POT1: variants seen among roughly 807,000 people sequenced by gnomAD.
POT1 encodes protection of telomeres 1.
POT1 carries 47 observed loss-of-function variants against 78.5 expected under a neutral mutation model. The observed-to-expected ratio is 0.60, with a 90% confidence interval of 0.47 to 0.76. POT1 has a LOEUF of 0.76. Among genes scored for constraint, POT1 ranks in the 30% least tolerant of loss-of-function variants. POT1 has a pLI of 0.00. For synonymous variants in POT1, 259 were observed against 260.7 expected (o/e 0.99, Z 0.06); for missense variants, 646 against 749.9 (o/e 0.86, Z 1.62).
chr7:124,884,734 C>T (rs1184511799), intron 6 of POT1, among the ~76,000 whole-genome samples: 1 of 152,160 alleles, frequency 6.6e-6, no homozygotes, highest in Admixed American at 6.5e-5. Context: ...ACAAGGTTCC[C>T]TCTATTTTTC....
intron 2 of POT1, among the ~76,000 whole-genome samples, chr7:124,924,033 T>A: frequency 2.0e-5 from 3 of 147,148 alleles, no homozygotes; most frequent in Admixed American, 6.7e-5. Context: ...AGTAGAAAGA[T>A]CACAAATTAA....
intron 15 of POT1, among the ~76,000 whole-genome samples, chr7:124,833,139 C>T (rs1794810518): frequency 6.6e-6 from 1 of 152,020 alleles, no homozygotes. Flanking sequence ...ACTCTCAGAT[C>T]ATGAGTCTAA....
intron 12 of POT1, among the ~76,000 whole-genome samples, chr7:124,846,351 T>C (rs956303509): frequency 7.2e-5 from 11 of 152,172 alleles, no homozygotes; most frequent in Non-Finnish European, 8.8e-5. Flanking sequence ...TTCACATTTG[T>C]TATCTTCCTT....
intron 2 of POT1, among the ~76,000 whole-genome samples, chr7:124,921,978 A>C: frequency 6.6e-6 from 1 of 152,122 alleles, no homozygotes; most frequent in East Asian, 1.9e-4. Flanking sequence ...TCAAAGAAAA[A>C]GCTTACTTAA....
intron 2 of POT1, among the ~76,000 whole-genome samples, chr7:124,916,891 C>T (rs1433617929): frequency 1.3e-5 from 2 of 151,986 alleles, no homozygotes; most frequent in African/African-American, 2.4e-5. Context: ...AGTTACTGCA[C>T]GAAAGGCTGG....
intron 3 of POT1, among the ~76,000 whole-genome samples, chr7:124,910,330 A>C (rs1584521951): frequency 6.6e-6 from 1 of 152,110 alleles, no homozygotes; most frequent in Non-Finnish European, 1.5e-5. Flanking sequence ...TAAGAAAAAA[A>C]AGGTGTGGAG....
At chr7:124,844,761 TTGGCAGACCTGATC>T (rs1795125288) in intron 12 of POT1, among the ~76,000 whole-genome samples, 1 of 147,646 alleles carries the variant, frequency 6.8e-6, no homozygotes, top group Non-Finnish European at 1.5e-5. Flanking sequence ...AAAAAGGCCA[TTGGCAGACCTGATC>T]AATTTAGTGT....
Position 124,829,732 on chromosome 7 carries a change from A to C in POT1, c.1506-390T>G, listed in dbSNP as rs111391694. Among the ~76,000 whole-genome samples the C allele has an allele frequency of 1.4e-3, 164 of 117,034 alleles. No individual in the cohort carries two copies. In the Middle Eastern group the frequency reaches 0.017, roughly 12 times the overall value. The allele number at this position is 117,034 out of a possible 152,430, so 76.8% of individuals were successfully genotyped here. ...TCTATATCTATATCTATATCTATATATATATATTTTTTAAGACAAGGTCTC... is the reference window on the plus strand; with the variant it reads ...TCTATATCTATATCTATATCTATATCTATATATTTTTTAAGACAAGGTCTC... On this transcript the variant is annotated intron_variant, in intron 15 of 18. Transcript: ENST00000357628.
chr7:124,870,942 T>C lies in POT1; in HGVS notation c.224A>G (p.Asn75Ser), dbSNP rs1044174795. The change falls in exon 7 of 19, where the codon AAT (asparagine) becomes AGT (serine). Residue 75 changes from asparagine to serine, a missense_variant. Coordinates refer to ENST00000357628, the MANE Select transcript of POT1 (RefSeq NM_015450.3). The stretch of plus-strand genomic sequence containing the variant: ...CCTGTGAAAGCGAACAATATCTCCA[T>C]TTTTATAAATTATTGGAAGGGCTTC... The part of the protein sequence containing the change: ...NYEALPIIYK[N>S]GDIVRFHRLK... The C allele has an allele frequency of 1.4e-5, 23 of 1,608,368 alleles. No individual in the cohort carries two copies. The highest frequency in any genetic ancestry group is 1.9e-5 in the Non-Finnish European group (22 of 1,177,062).
chr7:124,913,828 C>T lies in POT1; in HGVS notation c.-154+1746G>A, dbSNP rs947099440. Among the ~76,000 whole-genome samples the T allele has an allele frequency of 7.9e-5, 12 of 152,054 alleles. 1 individual carries two copies. The highest frequency in any genetic ancestry group is 7.9e-4 in the Admixed American group (12 of 15,256). ...TTAACTGTTTTTGCAATTGACTGAA[C>T]ATGTGATCCTTGTCAAAAAATTACT... On this transcript the variant is annotated intron_variant, in intron 3 of 18. Transcript: ENST00000357628.
chr7:124,892,062 T>A (rs1796384486), intron 6 of POT1, among the ~76,000 whole-genome samples: 1 of 151,614 alleles, frequency 6.6e-6, no homozygotes, highest in Non-Finnish European at 1.5e-5. Context: ...TTCTTTGTCC[T>A]TACTGTCTTT....
chr7:124,883,531 A>G lies in POT1; in HGVS notation c.124+8735T>C, dbSNP rs10280093. ...AATGAGTGAACCGAAATACAAAACTATATATTTATTTATTTTATGCGCCAT... is the reference window on the plus strand; with the variant it reads ...AATGAGTGAACCGAAATACAAAACTGTATATTTATTTATTTTATGCGCCAT... On this transcript the variant is annotated intron_variant, in intron 6 of 18. Coordinates refer to ENST00000357628, the MANE Select transcript of POT1 (RefSeq NM_015450.3). Among the ~76,000 whole-genome samples the G allele has an allele frequency of 1.9e-3, 290 of 152,204 alleles. 3 individuals are homozygous for G. Among genetic ancestry groups the G allele is most frequent in the African/African-American group, 6.4e-3 (267 of 41,564 alleles).
intron 6 of POT1, among the ~76,000 whole-genome samples, chr7:124,880,608 A>T (rs968683486): frequency 1.3e-5 from 2 of 152,022 alleles, no homozygotes; most frequent in African/African-American, 4.8e-5. Context: ...AAATTGTTTC[A>T]CATTTTGATT....
At chr7:124,832,770 T>C (rs1309520914) in intron 15 of POT1, among the ~76,000 whole-genome samples, 3 of 148,146 alleles carry the variant, frequency 2.0e-5, no homozygotes, top group East Asian at 4.0e-4. Context: ...TGCAGTGAGC[T>C]GAGATCATGC....
intron 12 of POT1, among the ~76,000 whole-genome samples, chr7:124,843,737 C>T (rs547247238): frequency 3.5e-4 from 54 of 152,294 alleles, no homozygotes; most frequent in African/African-American, 1.2e-3. Flanking sequence ...TACATTCTAG[C>T]TTAACACTTT....
intron 3 of POT1, among the ~76,000 whole-genome samples, chr7:124,906,312 A>AAG (rs1284142704): frequency 6.6e-6 from 1 of 152,152 alleles, no homozygotes; most frequent in East Asian, 1.9e-4. Context: ...TGCAACCGTA[A>AAG]AAAATGATAA....
chr7:124,827,646 T>G (rs763673885), intron 16 of POT1, among the ~76,000 whole-genome samples: 1 of 152,226 alleles, frequency 6.6e-6, no homozygotes, highest in Admixed American at 6.5e-5. Context: ...TAAGCTCATT[T>G]AGCAGATTCA....
chr7:124,882,637 A>G (rs1339484895), intron 6 of POT1, among the ~76,000 whole-genome samples: 1 of 151,872 alleles, frequency 6.6e-6, no homozygotes, highest in African/African-American at 2.4e-5. Flanking sequence ...CACTATACAT[A>G]AGACTAGAGA....
In POT1 at chr7:124,883,955, T is replaced by C. The variant is rs1049638106; in HGVS notation, c.124+8311A>G. ...GATTAATTACTCAGTAATTAATACA[T>C]TAATATCAATATGTGTATCAATAAT... On this transcript the variant is annotated intron_variant, in intron 6 of 18. Coordinates refer to ENST00000357628, the MANE Select transcript of POT1 (RefSeq NM_015450.3). Among the ~76,000 whole-genome samples the C allele has an allele frequency of 2.0e-5, 3 of 151,996 alleles. No individual in the cohort carries two copies. In the South Asian group the frequency reaches 6.2e-4, roughly 31 times the overall value.
Sources: allele counts gnomAD v4.1 joint callset (sites outside exome capture counted in the v4.1 genomes callset), GRCh38; gene constraint gnomAD v4.1.1; transcripts MANE v1.5; gene names NCBI Gene and HGNC (gene_info 2026-07-23, HGNC 2026-07-21).